The following DNAJB6 variants were observed in gnomAD, a reference collection of about 807,000 sequenced individuals.
DNAJB6 encodes dnaJ homolog subfamily B member 6.
In DNAJB6, 16 loss-of-function variants were observed where a neutral mutation model predicts 42.7. The observed-to-expected ratio is 0.37, with a 90% CI of 0.25 to 0.57. The LOEUF (loss-of-function observed/expected upper bound fraction) is 0.57, where lower values mean the gene tolerates loss of function less well. Among genes scored for constraint, DNAJB6 ranks in the 20% least tolerant of loss-of-function variants. DNAJB6 has a pLI of 0.74. For synonymous variants in DNAJB6, 170 were observed against 163.5 expected (o/e 1.04, Z -0.30); for missense variants, 347 against 416.8 (o/e 0.83, Z 1.46).
Position 157,416,194 on chromosome 7 carries a change from G to A in DNAJB6, c.*96G>A. 6.5e-7 allele frequency: 1 copy of A among 1,535,096 alleles called. No homozygotes were observed. Among genetic ancestry groups the A allele is most frequent in the Non-Finnish European group, 8.8e-7 (1 of 1,135,118 alleles). On this transcript the variant is annotated 3_prime_UTR_variant, in exon 10 of 10. Transcript: ENST00000262177. The stretch of plus-strand genomic sequence containing the variant: ...ACGCGCTAGGTAGCAGCGTCGGTCA[G>A]GACTGTCTCGAGGCCACACTCGCTC...
At chr7:157,338,415 CT>C (rs1798163535) in intron 1 of DNAJB6, among the ~76,000 whole-genome samples, 1 of 151,956 alleles carries the variant, frequency 6.6e-6, no homozygotes, top group South Asian at 2.1e-4. Flanking sequence ...CTCACTGCAA[CT>C]TCCAGCTCCC....
chr7:157,373,048 A>G (rs1390156183), intron 5 of DNAJB6, among the ~76,000 whole-genome samples: 1 of 151,952 alleles, frequency 6.6e-6, no homozygotes, highest in Non-Finnish European at 1.5e-5. Context: ...GATCACAGGC[A>G]TGAGCCACTG....
chr7:157,340,264 G>T (rs11773707), intron 1 of DNAJB6, among the ~76,000 whole-genome samples: 2 of 151,950 alleles, frequency 1.3e-5, no homozygotes, highest in Non-Finnish European at 2.9e-5. Flanking sequence ...TGTTCAAAAT[G>T]TGGTTTGGTT....
chr7:157,340,964 C>CTGTGTGTG (rs35976329), intron 1 of DNAJB6, among the ~76,000 whole-genome samples: 46 of 146,178 alleles, frequency 3.1e-4, no homozygotes, highest in South Asian at 6.6e-4. Flanking sequence ...CCGCACCTGG[C>CTGTGTGTG]TGTGTGTGTG....
At chr7:157,381,478 C>T (rs1800765824) in intron 5 of DNAJB6, 1 of 152,100 alleles carries the variant, frequency 6.6e-6, no homozygotes, top group Non-Finnish European at 1.5e-5. Context: ...ATAACAGCAA[C>T]AGAGGAAAAC....
chr7:157,355,863 G>A (rs1048583715), intron 1 of DNAJB6, among the ~76,000 whole-genome samples: 3 of 152,250 alleles, frequency 2.0e-5, no homozygotes, highest in African/African-American at 2.4e-5. Flanking sequence ...CAGGCTTTCA[G>A]TGAGAGTGTT....
chr7:157,339,807 A>G (rs938136950), intron 1 of DNAJB6: 5 of 152,126 alleles, frequency 3.3e-5, no homozygotes, highest in African/African-American at 1.2e-4. Flanking sequence ...TTCTATTTTT[A>G]TTAGAGACGA....
At chr7:157,355,721 G>C (rs1381454313) in intron 1 of DNAJB6, among the ~76,000 whole-genome samples, 3 of 152,194 alleles carry the variant, frequency 2.0e-5, no homozygotes, top group African/African-American at 4.8e-5. Context: ...ATCCACTCCA[G>C]GGGGTGGCTC....
intron 1 of DNAJB6, among the ~76,000 whole-genome samples, chr7:157,347,686 C>T (rs1798757389): frequency 6.6e-6 from 1 of 152,232 alleles, no homozygotes; most frequent in African/African-American, 2.4e-5. Context: ...CCTTAATCGG[C>T]TAATAATTAA....
chr7:157,388,606 T>G (rs1801193581), intron 8 of DNAJB6, among the ~76,000 whole-genome samples: 2 of 149,358 alleles, frequency 1.3e-5, no homozygotes, highest in South Asian at 4.4e-4. Flanking sequence ...ATTTTTAAAG[T>G]CTTTAATTTT....
intron 8 of DNAJB6, among the ~76,000 whole-genome samples, chr7:157,391,623 G>A (rs189829901): frequency 2.3e-4 from 35 of 152,280 alleles, no homozygotes; most frequent in Admixed American, 8.5e-4. Context: ...CATCCATGGC[G>A]GATGCCTGGT....
At chr7:157,338,674 C>A (rs1330491398) in intron 1 of DNAJB6, among the ~76,000 whole-genome samples, 1 of 152,228 alleles carries the variant, frequency 6.6e-6, no homozygotes, top group Non-Finnish European at 1.5e-5. Context: ...CTTAAGCTCC[C>A]TTGGAGTTTG....
chr7:157,369,002 A>G, intron 5 of DNAJB6: 1 of 348,526 alleles, frequency 2.9e-6, no homozygotes, highest in South Asian at 2.2e-5. Context: ...GGGGATTCAA[A>G]GAGGTTGTTC....
At chr7:157,364,213 A>G (rs938017659) in intron 3 of DNAJB6, among the ~76,000 whole-genome samples, 1 of 152,030 alleles carries the variant, frequency 6.6e-6, no homozygotes. Flanking sequence ...CAAAAAACAA[A>G]ACAAAACCAA....
intron 1 of DNAJB6, among the ~76,000 whole-genome samples, chr7:157,351,884 C>T (rs2141851): frequency 0.56 from 85,316 of 151,662 alleles, 24,236 homozygotes; most frequent in East Asian, 0.76. Flanking sequence ...TCCCAGCTAG[C>T]TGGGAGGCTG....
At position 157,369,865 on chromosome 7, in the gene DNAJB6, C is replaced by CACATTATTATTAAACAGGCCCCTTCTCA. The variant is rs1563128418; in HGVS notation, c.346+2409_346+2436dup. Among the ~76,000 whole-genome samples, 17 of 113,036 alleles carry CACATTATTATTAAACAGGCCCCTTCTCA rather than the reference C, an allele frequency of 1.5e-4. 1 individual carries two copies. Among genetic ancestry groups the CACATTATTATTAAACAGGCCCCTTCTCA allele is most frequent in the African/African-American group, 6.7e-4 (15 of 22,390 alleles). The allele number at this position is 113,036 out of a possible 152,430, so 74.2% of individuals were successfully genotyped here. A position where few individuals can be genotyped will look rare whatever the true frequency, so the allele number is the denominator to read the frequency against. On this transcript the variant is annotated intron_variant, in intron 5 of 9. Transcript: ENST00000262177. ...GTTATTATTAAACGGGCCCCTTCTT[C>CACATTATTATTAAACAGGCCCCTTCTCA]ACATTATTATTAAACAGGCCCCTTC... is the stretch of plus-strand genomic sequence containing the variant.
chr7:157,376,496 G>A (rs1800479300), intron 5 of DNAJB6, among the ~76,000 whole-genome samples: 1 of 152,202 alleles, frequency 6.6e-6, no homozygotes, highest in Non-Finnish European at 1.5e-5. Context: ...TGTATTCTGA[G>A]CCAAATATAA....
At chr7:157,370,056 T>TAATGTTATTATTA (rs1461295831) in intron 5 of DNAJB6, among the ~76,000 whole-genome samples, 12 of 149,032 alleles carry the variant, frequency 8.1e-5, no homozygotes, top group African/African-American at 3.0e-4. Context: ...AGGTCTTTCA[T>TAATGTTATTATTA]AACGTTATTA....
At chr7:157,394,220 A>G (rs571482472) in intron 8 of DNAJB6, among the ~76,000 whole-genome samples, 10 of 152,302 alleles carry the variant, frequency 6.6e-5, no homozygotes, top group East Asian at 1.9e-4. Context: ...TTAAATTTCT[A>G]TTTTCATTCA....
Sources: allele counts gnomAD v4.1 joint callset (sites outside exome capture counted in the v4.1 genomes callset), GRCh38; gene constraint gnomAD v4.1.1; transcripts MANE v1.5; gene names NCBI Gene and HGNC (gene_info 2026-07-23, HGNC 2026-07-21).